The following SP100 variants were observed in gnomAD, a reference collection of about 807,000 sequenced individuals.
SP100 encodes the protein nuclear autoantigen Sp-100.
Under a neutral mutation model 130.0 loss-of-function variants are expected in SP100, and 84 were observed. The ratio of observed to expected loss-of-function variants is 0.65; its 90% CI spans 0.54 to 0.77. SP100 has a LOEUF of 0.77. Ranked by LOEUF, SP100 falls within the 30% of genes least tolerant of loss-of-function variation. The pLI, the probability that SP100 is intolerant of heterozygous loss-of-function variation, is 0.00. For synonymous variants in SP100, 331 were observed against 351.7 expected (o/e 0.94, Z 0.66); for missense variants, 978 against 1,052.2 (o/e 0.93, Z 0.97).
chr2:230,421,059 T>G (rs2062752401), intron 2 of SP100, among the ~76,000 whole-genome samples: 2 of 150,242 alleles, frequency 1.3e-5, no homozygotes, highest in Non-Finnish European at 3.0e-5. Flanking sequence ...ATGATGACTA[T>G]TTACATGTTG....
intron 24 of SP100, among the ~76,000 whole-genome samples, chr2:230,526,625 A>G (rs186745184): frequency 2.9e-4 from 44 of 152,336 alleles, no homozygotes; most frequent in African/African-American, 9.6e-4. Flanking sequence ...CCGAGCTAAA[A>G]GGTCATGTTC....
At chr2:230,498,578 T>C in intron 19 of SP100, 43 bp downstream of exon 19, 1 of 1,100,372 alleles carries the variant, frequency 9.1e-7, no homozygotes, top group Non-Finnish European at 1.2e-6. Flanking sequence ...ACGTCTAAAT[T>C]CTCATGCTCT....
At chr2:230,444,506 T>C (rs2063606626) in intron 4 of SP100, among the ~76,000 whole-genome samples, 160 bp downstream of exon 4, 1 of 152,202 alleles carries the variant, frequency 6.6e-6, no homozygotes, top group African/African-American at 2.4e-5. Context: ...TCATGGCGTA[T>C]GGCTATGGTA....
intron 2 of SP100, among the ~76,000 whole-genome samples, chr2:230,436,935 C>T (rs1157068623): frequency 6.2e-5 from 6 of 96,318 alleles, no homozygotes; most frequent in Non-Finnish European, 1.4e-4. Flanking sequence ...CAAGTGTATA[C>T]ACACACGCAT....
chr2:230,528,538 A>G (rs1176621815), intron 24 of SP100, among the ~76,000 whole-genome samples: 1 of 152,234 alleles, frequency 6.6e-6, no homozygotes. Flanking sequence ...AAGAGAAAAC[A>G]AATTCAAAAG....
At chr2:230,531,054 C>A (rs1055950577) in intron 24 of SP100, among the ~76,000 whole-genome samples, 7 of 152,136 alleles carry the variant, frequency 4.6e-5, no homozygotes, top group Non-Finnish European at 1.0e-4. Context: ...TTTGACCCAG[C>A]GATCCCATTA....
At chr2:230,542,800 A>C (rs200398280) in intron 28 of SP100, 36 bp from the exon 29 acceptor site, 3 of 1,291,876 alleles carry the variant, frequency 2.3e-6, no homozygotes, top group South Asian at 1.2e-5. Flanking sequence ...AGCTCATTGC[A>C]TAACTGCTAT....
At chr2:230,477,859 C>T (rs763968865) in intron 17 of SP100, among the ~76,000 whole-genome samples, 2 of 146,940 alleles carry the variant, frequency 1.4e-5, no homozygotes, top group African/African-American at 2.5e-5. Flanking sequence ...TGCTTGAACC[C>T]GGGAGGCAGA....
intron 2 of SP100, among the ~76,000 whole-genome samples, chr2:230,437,556 T>C (rs1003144095): frequency 6.6e-6 from 1 of 152,074 alleles, no homozygotes; most frequent in African/African-American, 2.4e-5. Flanking sequence ...TTGTTTTTTT[T>C]GTTTTGTTTT....
rs2063843735 is a variant in SP100, at chr2:230,449,147, G to A, written c.583G>A (p.Ala195Thr). 1.2e-6 allele frequency: 2 copies of A among 1,613,954 alleles called. No individual in the cohort carries two copies. The highest frequency in any genetic ancestry group is 1.7e-5 in the Admixed American group (1 of 60,004). ...TWPPSGSPSH[A>T]GTTPPENGLS... The stretch of plus-strand genomic sequence containing the variant: ...GCCACCTTCGGGTTCCCCATCTCAT[G>A]CTGGTTTGTTCCTGTTTACTACTCT... The change falls in exon 6 of 29, where the codon GCT becomes ACT. Residue 195 changes from alanine to threonine, a missense_variant. Transcript: ENST00000340126.
intron 23 of SP100, 118 bp downstream of exon 23, chr2:230,508,149 A>C: frequency 6.7e-7 from 1 of 1,499,962 alleles, no homozygotes; most frequent in Non-Finnish European, 8.9e-7. Flanking sequence ...TTATAATATG[A>C]TGCTTTTGCA....
At chr2:230,494,319 A>C in intron 17 of SP100, 97 bp from the exon 18 acceptor site, 1 of 998,920 alleles carries the variant, frequency 1.0e-6, no homozygotes, top group South Asian at 1.4e-5. Context: ...AAGTAGAAGG[A>C]AAACAAAATT....
At chr2:230,416,975 TTTCTC>T (rs749697308) in intron 1 of SP100, 80 of 758,280 alleles carry the variant, frequency 1.1e-4, no homozygotes, top group Middle Eastern at 1.3e-3. Flanking sequence ...AATCCTAACT[TTTCTC>T]TAGTAGTGAG....
chr2:230,425,646 T>C (rs1007788347), intron 2 of SP100, among the ~76,000 whole-genome samples: 1 of 152,190 alleles, frequency 6.6e-6, no homozygotes, highest in Non-Finnish European at 1.5e-5. Context: ...TACTGTTGAA[T>C]TTGGTTTGGT....
At chr2:230,533,757 C>A (rs974006574) in intron 24 of SP100, among the ~76,000 whole-genome samples, 2 of 152,162 alleles carry the variant, frequency 1.3e-5, no homozygotes, top group Admixed American at 1.3e-4. Flanking sequence ...CACACTGATT[C>A]AAGGCCAGAG....
At chr2:230,470,186 G>T in intron 15 of SP100, 88 bp downstream of exon 15, 1 of 1,518,574 alleles carries the variant, frequency 6.6e-7, no homozygotes, top group South Asian at 1.3e-5. Context: ...TTTTTATTCT[G>T]AGCACCTTCA....
chr2:230,450,094 A>G, intron 7 of SP100, 78 bp from the exon 8 acceptor site: 1 of 941,636 alleles, frequency 1.1e-6, no homozygotes, highest in Non-Finnish European at 1.7e-6. Flanking sequence ...AAGGAGAAGC[A>G]GGGTGAGGTC....
At chr2:230,525,532 G>T (rs1312007466) in intron 24 of SP100, among the ~76,000 whole-genome samples, 1 of 152,094 alleles carries the variant, frequency 6.6e-6, no homozygotes, top group South Asian at 2.1e-4. Context: ...TTCCAACAGA[G>T]GTACCTGGTT....
chr2:230,477,723 C>G (rs1046932137), intron 17 of SP100, among the ~76,000 whole-genome samples: 4 of 152,058 alleles, frequency 2.6e-5, no homozygotes, highest in African/African-American at 7.2e-5. Context: ...AGAATGAGCT[C>G]AAGAAGATCT....
Sources: gnomAD v4.1 joint callset for allele counts (sites outside exome capture counted in the v4.1 genomes callset) on GRCh38, gnomAD v4.1.1 for gene constraint, MANE v1.5 for transcripts, NCBI Gene and HGNC (gene_info 2026-07-23, HGNC 2026-07-21) for gene names.